Variants in CTNNA2 observed in about 807,000 individuals in gnomAD.
The protein encoded by CTNNA2 is catenin alpha 2.
Under a neutral mutation model 101.0 loss-of-function variants are expected in CTNNA2, and 42 were observed. The ratio of observed to expected loss-of-function variants is 0.42; its 90% CI spans 0.32 to 0.54. The LOEUF (loss-of-function observed/expected upper bound fraction) is 0.54, where lower values mean the gene tolerates loss of function less well. Among genes scored for constraint, CTNNA2 ranks in the 20% least tolerant of loss-of-function variants. The probability of loss-of-function intolerance (pLI) is 0.14; values close to 1 mark genes in which losing one functional copy is unlikely to be tolerated. For missense variants in CTNNA2, 871 were observed against 1,223.1 expected (o/e 0.71, Z 4.29); for synonymous variants, 450 against 456.4 (o/e 0.99, Z 0.18).
intron 1 of CTNNA2, among the ~76,000 whole-genome samples, chr2:79,583,667 T>C (rs936657638): frequency 6.6e-6 from 1 of 152,186 alleles, no homozygotes; most frequent in Non-Finnish European, 1.5e-5. Context: ...TTTCAATTGC[T>C]CTACATCTTT....
At chr2:79,853,224 G>A (rs1680867043) in intron 3 of CTNNA2, among the ~76,000 whole-genome samples, 1 of 152,042 alleles carries the variant, frequency 6.6e-6, no homozygotes, top group Non-Finnish European at 1.5e-5. Flanking sequence ...TGCAATGATA[G>A]TTCACTGCAG....
chr2:80,472,132 G>C (rs905402666), intron 9 of CTNNA2, among the ~76,000 whole-genome samples: 1 of 141,600 alleles, frequency 7.1e-6, no homozygotes, highest in African/African-American at 2.7e-5. Context: ...AAAAAAAAAA[G>C]GTTAGAAAAT....
chr2:79,832,111 T>C (rs898534121), intron 3 of CTNNA2, among the ~76,000 whole-genome samples: 1 of 152,194 alleles, frequency 6.6e-6, no homozygotes, highest in African/African-American at 2.4e-5. Context: ...CTGTGTGAGA[T>C]ACCCCCAACT....
chr2:79,273,804 A>G (rs1431053654), intron 2 of CTNNA2, among the ~76,000 whole-genome samples: 1 of 149,390 alleles, frequency 6.7e-6, no homozygotes, highest in Non-Finnish European at 1.5e-5. Context: ...AGCAAGCTGC[A>G]CTTTTTTTTT....
intron 1 of CTNNA2, among the ~76,000 whole-genome samples, chr2:79,567,041 A>G (rs1458712678): frequency 6.6e-6 from 1 of 152,218 alleles, no homozygotes; most frequent in Non-Finnish European, 1.5e-5. Flanking sequence ...TAGAGAAAGC[A>G]TAACACATTC....
intron 4 of CTNNA2, among the ~76,000 whole-genome samples, chr2:79,429,667 A>C (rs1409420220): frequency 6.6e-6 from 1 of 152,164 alleles, no homozygotes; most frequent in Non-Finnish European, 1.5e-5. Flanking sequence ...GAAACCATGA[A>C]AGTGGATTTT....
At chr2:80,062,454 T>G (rs948109907) in intron 7 of CTNNA2, among the ~76,000 whole-genome samples, 3 of 152,212 alleles carry the variant, frequency 2.0e-5, no homozygotes, top group African/African-American at 7.2e-5. Context: ...AAGTGACAAT[T>G]TAGCCAGTCT....
intron 1 of CTNNA2, among the ~76,000 whole-genome samples, chr2:79,629,193 T>A (rs1679523944): frequency 6.6e-6 from 1 of 152,210 alleles, no homozygotes; most frequent in Non-Finnish European, 1.5e-5. Flanking sequence ...ATCAGCAAGA[T>A]AAATTGCTGG....
At chr2:79,286,963 C>A (rs1032270073) in intron 2 of CTNNA2, among the ~76,000 whole-genome samples, 8 of 152,024 alleles carry the variant, frequency 5.3e-5, no homozygotes, top group Non-Finnish European at 1.2e-4. Flanking sequence ...TCTTTTTATT[C>A]TTTTTTTCTC....
intron 7 of CTNNA2, among the ~76,000 whole-genome samples, chr2:80,349,244 A>G (rs1480902102): frequency 3.3e-5 from 5 of 152,054 alleles, no homozygotes; most frequent in Non-Finnish European, 7.4e-5. Flanking sequence ...CTTTTCTGAG[A>G]TTGAATTTCT....
chr2:80,441,428 C>G (rs554881170), intron 9 of CTNNA2, among the ~76,000 whole-genome samples: 56 of 152,248 alleles, frequency 3.7e-4, no homozygotes, highest in African/African-American at 1.3e-3. Flanking sequence ...CAACATATGA[C>G]AGTTTTGTTG....
chr2:80,422,314 G>T (rs1680599025), intron 9 of CTNNA2, among the ~76,000 whole-genome samples: 1 of 152,090 alleles, frequency 6.6e-6, no homozygotes, highest in Non-Finnish European at 1.5e-5. Flanking sequence ...CCACCTCCAC[G>T]ATTCAGTTAT....
At chr2:80,526,677 G>A (rs374937287) in intron 9 of CTNNA2, among the ~76,000 whole-genome samples, 2 of 152,180 alleles carry the variant, frequency 1.3e-5, no homozygotes, top group African/African-American at 4.8e-5. Flanking sequence ...GAATGATAAT[G>A]ACAGTACCTT....
At chr2:79,421,471 T>C (rs75169072) in intron 4 of CTNNA2, among the ~76,000 whole-genome samples, 2,469 of 152,222 alleles carry the variant, frequency 0.016, 79 homozygotes, top group African/African-American at 0.056. Context: ...CCAGGTGTAA[T>C]AGAGCTAATG....
intron 3 of CTNNA2, among the ~76,000 whole-genome samples, chr2:79,368,164 C>G (rs1677791263): frequency 6.6e-6 from 1 of 152,188 alleles, no homozygotes; most frequent in African/African-American, 2.4e-5. Context: ...AGTTTCAAAT[C>G]AAGAGAAAGA....
chr2:80,337,850 G>T (rs531150713), intron 7 of CTNNA2, among the ~76,000 whole-genome samples: 1 of 152,190 alleles, frequency 6.6e-6, no homozygotes, highest in East Asian at 1.9e-4. Flanking sequence ...CTTATAGTAA[G>T]CGAATTGACC....
intron 16 of CTNNA2, among the ~76,000 whole-genome samples, chr2:80,607,333 T>C (rs747367376): frequency 1.1e-4 from 17 of 151,814 alleles, no homozygotes; most frequent in Non-Finnish European, 2.2e-4. Flanking sequence ...GCAAAAGAAA[T>C]ATGTAGGCAT....
At chr2:80,162,789 T>C in intron 7 of CTNNA2, 1 of 1,588,376 alleles carries the variant, frequency 6.3e-7, no homozygotes. Flanking sequence ...ATATGACATT[T>C]GTCTCAAAGC....
At chr2:79,390,175 G>A (rs1020807986) in intron 4 of CTNNA2, among the ~76,000 whole-genome samples, 1 of 152,068 alleles carries the variant, frequency 6.6e-6, no homozygotes, top group South Asian at 2.1e-4. Flanking sequence ...AATTAAGTTT[G>A]ATTCATCTCT....
Sources: gnomAD v4.1 joint callset for allele counts (sites outside exome capture counted in the v4.1 genomes callset) on GRCh38, gnomAD v4.1.1 for gene constraint, MANE v1.5 for transcripts, NCBI Gene and HGNC (gene_info 2026-07-23, HGNC 2026-07-21) for gene names.